Variants in CDIN1 observed in about 807,000 individuals in gnomAD.
CDIN1 encodes CDAN1-interacting nuclease 1.
A neutral mutation model predicts 45.3 loss-of-function variants in CDIN1; 33 were observed. The ratio of observed to expected loss-of-function variants is 0.73; its 90% CI spans 0.55 to 0.97. The LOEUF is 0.97. CDIN1 is among the 50% of genes least tolerant of loss of function. The pLI, the probability that CDIN1 is intolerant of heterozygous loss-of-function variation, is 0.00. For synonymous variants in CDIN1, 118 were observed against 124.4 expected (o/e 0.95, Z 0.34); for missense variants, 303 against 339.4 (o/e 0.89, Z 0.84).
intron 10 of CDIN1, among the ~76,000 whole-genome samples, chr15:36,722,925 T>C (rs2043478744): frequency 6.6e-6 from 1 of 151,660 alleles, no homozygotes; most frequent in Non-Finnish European, 1.5e-5. Context: ...GAATTCCCTT[T>C]ATTCATTAAC....
At chr15:36,669,237 C>T (rs1423730979) in intron 5 of CDIN1, 2 of 152,012 alleles carry the variant, frequency 1.3e-5, no homozygotes, top group African/African-American at 4.8e-5. Flanking sequence ...TCTGCATATG[C>T]ACTATTGAAA....
At chr15:36,695,719 C>T (rs1319393153) in intron 7 of CDIN1, among the ~76,000 whole-genome samples, 1 of 151,936 alleles carries the variant, frequency 6.6e-6, no homozygotes, top group Admixed American at 6.6e-5. Context: ...TGGTCACAGG[C>T]ACCTGTAATT....
intron 8 of CDIN1, among the ~76,000 whole-genome samples, chr15:36,700,950 G>C (rs2042609300): frequency 6.6e-6 from 1 of 151,944 alleles, no homozygotes; most frequent in African/African-American, 2.4e-5. Flanking sequence ...GGCACCTGTA[G>C]TACCAGCTAC....
chr15:36,666,581 T>C (rs939859714), intron 5 of CDIN1, among the ~76,000 whole-genome samples: 1 of 152,224 alleles, frequency 6.6e-6, no homozygotes, highest in Non-Finnish European at 1.5e-5. Flanking sequence ...TTTTCATCCT[T>C]AGATACCAAT....
intron 8 of CDIN1, chr15:36,708,167 A>G (rs1040955625): frequency 3.3e-5 from 5 of 152,180 alleles, no homozygotes; most frequent in Admixed American, 2.0e-4. Flanking sequence ...TGACAAATGG[A>G]TTGGAAATAA....
At chr15:36,670,182 A>G (rs945570740) in intron 5 of CDIN1, among the ~76,000 whole-genome samples, 3 of 152,066 alleles carry the variant, frequency 2.0e-5, no homozygotes, top group Admixed American at 2.0e-4. Context: ...TTAGATTTAG[A>G]ACTTAAATTT....
At chr15:36,759,049 T>C (rs1182797352) in intron 10 of CDIN1, among the ~76,000 whole-genome samples, 1 of 152,062 alleles carries the variant, frequency 6.6e-6, no homozygotes, top group African/African-American at 2.4e-5. Context: ...ACACATCCAC[T>C]TTGTTCAGTG....
chr15:36,692,028 G>C, intron 6 of CDIN1, 98 bp from the exon 7 acceptor site: 1 of 1,159,152 alleles, frequency 8.6e-7, no homozygotes, highest in Non-Finnish European at 1.2e-6. Flanking sequence ...GGGGGCGGGG[G>C]TGGGGGAAGA....
chr15:36,712,848 T>C (rs1482756591), intron 10 of CDIN1, among the ~76,000 whole-genome samples: 1 of 152,138 alleles, frequency 6.6e-6, no homozygotes, highest in Admixed American at 6.6e-5. Context: ...AGTCTCTACT[T>C]CTACAGAGTT....
chr15:36,695,582 C>T (rs1191651022), intron 7 of CDIN1, among the ~76,000 whole-genome samples: 1 of 152,144 alleles, frequency 6.6e-6, no homozygotes, highest in Non-Finnish European at 1.5e-5. Flanking sequence ...TGCAGTGGCT[C>T]ACACCTGTAA....
intron 5 of CDIN1, among the ~76,000 whole-genome samples, chr15:36,675,909 C>T (rs572215971): frequency 1.3e-5 from 2 of 152,162 alleles, no homozygotes; most frequent in South Asian, 2.1e-4. Flanking sequence ...ACCTGTACCT[C>T]GCCTTCGTTG....
chr15:36,674,362 A>C (rs1047687281), intron 5 of CDIN1, among the ~76,000 whole-genome samples: 5 of 152,116 alleles, frequency 3.3e-5, no homozygotes, highest in African/African-American at 1.2e-4. Context: ...CTCTTTATGA[A>C]TTTTTTAAAC....
At chr15:36,800,909 G>GTGTGTGTATATATATATA (rs1156514805) in intron 10 of CDIN1, among the ~76,000 whole-genome samples, 11 of 22,374 alleles carry the variant, frequency 4.9e-4, no homozygotes, top group Non-Finnish European at 9.4e-4. Context: ...GTGTGTGTGT[G>GTGTGTGTATATATATATA]TATATATATA....
At chr15:36,627,555 GCAC>G (rs2039490529) in intron 1 of CDIN1, 1 of 153,318 alleles carries the variant, frequency 6.5e-6, no homozygotes, top group South Asian at 1.9e-4. Flanking sequence ...TTGCTGCGGT[GCAC>G]CTCAAGGTGG....
chr15:36,737,224 G>A (rs1197937232), intron 10 of CDIN1, among the ~76,000 whole-genome samples: 1 of 151,292 alleles, frequency 6.6e-6, no homozygotes, highest in South Asian at 2.1e-4. Context: ...CTTTGCTCCT[G>A]CAGGTTCCAA....
intron 1 of CDIN1, among the ~76,000 whole-genome samples, chr15:36,607,537 G>A (rs1282268981): frequency 2.6e-5 from 4 of 151,784 alleles, no homozygotes; most frequent in South Asian, 2.1e-4. Flanking sequence ...AAGTGTGCCC[G>A]CGATCATGAC....
chr15:36,584,511 G>T (rs892845670), intron 1 of CDIN1, among the ~76,000 whole-genome samples: 5 of 152,160 alleles, frequency 3.3e-5, no homozygotes, highest in Non-Finnish European at 7.3e-5. Flanking sequence ...CATCTTTATT[G>T]TCATGCGTTT....
rs1171205873 is a variant in CDIN1 at position 36,579,743 on chromosome 15, G to A, written c.-118G>A. On this transcript the variant is annotated 5_prime_UTR_variant, in exon 1 of 11. Coordinates refer to ENST00000566621, the MANE Select transcript of CDIN1 (RefSeq NM_001321759.2). ...TTCAGGGGGGATTGGGGCAAGCCAA[G>A]CAGGCGAGGACCCGGGCCTGTGCCG... 2.0e-5 allele frequency: 15 copies of A among 753,226 alleles called. No homozygotes were observed. The highest frequency in any genetic ancestry group is 1.9e-4 in the Admixed American group (7 of 36,188). 46.7% of individuals were successfully genotyped at this position (753,226 alleles called of 1,614,324 possible).
intron 1 of CDIN1, among the ~76,000 whole-genome samples, chr15:36,596,019 C>T (rs561898804): frequency 6.6e-6 from 1 of 152,270 alleles, no homozygotes; most frequent in African/African-American, 2.4e-5. Flanking sequence ...ACTCCGAGCA[C>T]TGCTTCCTCA....
Sources: gnomAD v4.1 joint callset for allele counts (sites outside exome capture counted in the v4.1 genomes callset) on GRCh38, gnomAD v4.1.1 for gene constraint, MANE v1.5 for transcripts, NCBI Gene and HGNC (gene_info 2026-07-23, HGNC 2026-07-21) for gene names.